CCDC136: variants seen among roughly 807,000 people sequenced by gnomAD.
The protein encoded by CCDC136 is coiled-coil domain containing 136.
Under a neutral mutation model 141.2 loss-of-function variants are expected in CCDC136, and 100 were observed. That is an observed-to-expected ratio of 0.71 (90% CI 0.60 to 0.84). CCDC136 has a LOEUF of 0.84. CCDC136 is among the 40% of genes least tolerant of loss of function. The probability of loss-of-function intolerance (pLI) is 0.00; values close to 1 mark genes in which losing one functional copy is unlikely to be tolerated. For missense variants in CCDC136, 1,206 were observed against 1,379.4 expected (o/e 0.87, Z 1.99); for synonymous variants, 474 against 531.9 (o/e 0.89, Z 1.50).
chr7:128,796,038 C>G (rs1802893740), intron 3 of CCDC136, among the ~76,000 whole-genome samples: 1 of 152,094 alleles, frequency 6.6e-6, no homozygotes, highest in Non-Finnish European at 1.5e-5. Flanking sequence ...TGCAATGGCA[C>G]AATCTCAGCT....
At position 128,811,837 on chromosome 7, in the gene CCDC136, A is replaced by T. The variant is rs777797007; in HGVS notation, c.2066A>T (p.Gln689Leu). ...KLLMEQMQAL[Q>L]VMYDAGQAKQ... The stretch of plus-strand genomic sequence containing the variant: ...CTCATGGAGCAGATGCAGGCCCTGC[A>T]GGTGATGTATGACGCCGGTCAGGCG... Residue 689 changes from glutamine (Q) to leucine (L), a missense_variant, in exon 13 of 18, where the codon CAG becomes CTG. Transcript: ENST00000297788. 1 of 1,604,106 alleles carries T rather than the reference A, an allele frequency of 6.2e-7. No homozygotes were observed. The highest frequency in any genetic ancestry group is 1.1e-5 in the South Asian group (1 of 89,518).
rs1427988793 is a variant in CCDC136, at chr7:128,811,878, C to T, written c.2107C>T (p.Gln703Ter). 3 of 1,613,148 alleles carry T rather than the reference C, an allele frequency of 1.9e-6. No individual in the cohort carries two copies. Among genetic ancestry groups the T allele is most frequent in the Non-Finnish European group, 2.5e-6 (3 of 1,179,556 alleles). ...DAGQAKQELL[Q>*]QEQGRLLEER... Reference sequence around the variant, plus strand: ...CGGTCAGGCGAAGCAGGAGCTCTTGCAGCAAGAGCAAGGGAGGCTCCTAGA... The same window carrying T: ...CGGTCAGGCGAAGCAGGAGCTCTTGTAGCAAGAGCAAGGGAGGCTCCTAGA... The change falls in exon 13 of 18, where the codon CAG becomes TAG. Residue 703 changes from glutamine to a stop codon, truncating the protein, a stop_gained. Coordinates refer to ENST00000297788, the MANE Select transcript of CCDC136 (RefSeq NM_022742.5). LOFTEE classifies it high-confidence loss of function.
chr7:128,803,396 C>T (rs1052065714), intron 4 of CCDC136, among the ~76,000 whole-genome samples: 2 of 152,178 alleles, frequency 1.3e-5, no homozygotes, highest in African/African-American at 2.4e-5. Context: ...CATGCCTGTA[C>T]TCCCACCACT....
chr7:128,810,370 A>G lies in CCDC136; in HGVS notation c.2028+4A>G, dbSNP rs1805527461. ...CTCCAAATGTAATCGAAACAAGGTA[A>G]CCATAGCAAGAGGTAGGGAGACAGT... is the stretch of plus-strand genomic sequence containing the variant. On this transcript the variant is annotated splice_donor_region_variant and intron_variant, in intron 12 of 17. Transcript: ENST00000297788. 3 of 1,602,272 alleles carry G rather than the reference A, an allele frequency of 1.9e-6. No individual in the cohort carries two copies. Among genetic ancestry groups the G allele is most frequent in the Non-Finnish European group, 1.7e-6 (2 of 1,170,334 alleles).
At chr7:128,816,031 A>C (rs571306183) in intron 16 of CCDC136, 100 bp downstream of exon 16, 1 of 1,202,274 alleles carries the variant, frequency 8.3e-7, no homozygotes, top group Non-Finnish European at 1.2e-6. Flanking sequence ...TATCTCCAGG[A>C]GTGGAGGCCT....
At chr7:128,792,807 T>C (rs1802383228) in intron 1 of CCDC136, among the ~76,000 whole-genome samples, 1 of 152,230 alleles carries the variant, frequency 6.6e-6, no homozygotes, top group Non-Finnish European at 1.5e-5. Context: ...GGCATGTGAA[T>C]TGTCTTTCTG....
intron 4 of CCDC136, among the ~76,000 whole-genome samples, 198 bp downstream of exon 4, chr7:128,801,707 G>A (rs78460431): frequency 0.018 from 2,718 of 152,284 alleles, 39 homozygotes; most frequent in Non-Finnish European, 0.027. Context: ...AAGATGGGAG[G>A]ATCACTCGAG....
Position 128,805,641 on chromosome 7 carries a change from G to A in CCDC136, c.948+117G>A. 2 of 1,525,904 alleles carry A rather than the reference G, an allele frequency of 1.3e-6. No individual in the cohort carries two copies. The highest frequency in any genetic ancestry group is 1.8e-6 in the Non-Finnish European group (2 of 1,117,100). 94.5% of individuals were successfully genotyped at this position (1,525,904 alleles called of 1,614,324 possible). ...ACTGTGGAGGGAGATAGTACTCTGG[G>A]GTCTCACTTGCCTGATGTAAATCTT... is the stretch of plus-strand genomic sequence containing the variant. On this transcript the variant is annotated intron_variant, in intron 6 of 17. Coordinates refer to ENST00000297788, the MANE Select transcript of CCDC136 (RefSeq NM_022742.5). This position sits in a 1 kb window ranked among gnomAD's most constrained non-coding sequence, Gnocchi z 4.6.
At chr7:128,816,958 T>G (rs1409685410) in intron 16 of CCDC136, among the ~76,000 whole-genome samples, 1 of 152,218 alleles carries the variant, frequency 6.6e-6, no homozygotes, top group Non-Finnish European at 1.5e-5. Flanking sequence ...ACCTAAGATG[T>G]GGAAAGTCGG....
intron 3 of CCDC136, among the ~76,000 whole-genome samples, chr7:128,796,739 A>ATATATATATATATTTTTTTTTT: frequency 9.0e-4 from 102 of 113,310 alleles, no homozygotes; most frequent in Non-Finnish European, 1.3e-3. Flanking sequence ...ATATATATAT[A>ATATATATATATATTTTTTTTTT]TTCTTTTTTT....
rs749107758 is a variant in CCDC136 at position 128,792,272 on chromosome 7, C to T, written c.-140C>T. 58 of 1,520,988 alleles carry T rather than the reference C, an allele frequency of 3.8e-5. No individual in the cohort carries two copies. Among genetic ancestry groups the T allele is most frequent in the Non-Finnish European group, 4.5e-5 (51 of 1,130,176 alleles). The allele number at this position is 1,520,988 out of a possible 1,614,324, so 94.2% of individuals were successfully genotyped here. ...CCCTTCTTTCCTCTGCACCCCAGCC[C>T]GCAGCCAGCCCCCCACCCCCCAGCC... On this transcript the variant is annotated 5_prime_UTR_variant, in exon 1 of 18. Transcript: ENST00000297788.
At chr7:128,806,023 G>A (rs2128910279) in intron 7 of CCDC136, 122 bp downstream of exon 7, 4 of 1,223,108 alleles carry the variant, frequency 3.3e-6, no homozygotes, top group Non-Finnish European at 4.6e-6. Context: ...CTGCAACTGG[G>A]CACAGTCTGC....
At chr7:128,807,241 G>A (rs990591914) in intron 9 of CCDC136, 119 bp from the exon 10 acceptor site, 1 of 654,374 alleles carries the variant, frequency 1.5e-6, no homozygotes, top group African/African-American at 1.9e-5. Flanking sequence ...CCCTGGCTGG[G>A]ATGAAATTGG....
At position 128,812,769 on chromosome 7, in the gene CCDC136, A is replaced by C. The variant is rs765362103; in HGVS notation, c.2603A>C (p.Gln868Pro). 1.1e-5 allele frequency: 17 copies of C among 1,613,498 alleles called. No individual in the cohort carries two copies. Among genetic ancestry groups the C allele is most frequent in the Non-Finnish European group, 1.4e-5 (17 of 1,179,846 alleles). Residue 868 changes from glutamine (Q) to proline (P), a missense_variant, in exon 14 of 18, where the codon CAG becomes CCG. Physicochemically the swap from Gln to Pro is moderately conservative, Grantham distance 76 (BLOSUM62 -1). Coordinates refer to ENST00000297788, the MANE Select transcript of CCDC136 (RefSeq NM_022742.5). ...CTGCAGGCGGTGCAGGCCATGTACC[A>C]GATAAGCCAGGAGGAACACAGCCAG... ...IKLQAVQAMY[Q>P]ISQEEHSQLQ...
Position 128,806,795 on chromosome 7 carries a change from C to A in CCDC136, c.1356C>A (p.Cys452Ter), listed in dbSNP as rs769090727. 1 of 1,612,636 alleles carries A rather than the reference C, an allele frequency of 6.2e-7. No individual in the cohort carries two copies. Among genetic ancestry groups the A allele is most frequent in the Non-Finnish European group, 8.5e-7 (1 of 1,179,490 alleles). The part of the protein sequence containing the change: ...RQQQLQEELQ[C>*]HEAELQHLRD... ...AGCAGCTGCAGGAGGAGCTGCAGTG[C>A]CATGAGGCAGAGCTGCAGCACCTCA... The change falls in exon 9 of 18, where the codon TGC becomes TGA. Residue 452 changes from cysteine (C) to a stop codon, truncating the protein, a stop_gained. Coordinates refer to ENST00000297788, the MANE Select transcript of CCDC136 (RefSeq NM_022742.5). LOFTEE classifies it high-confidence loss of function.
rs369999789 is a variant in CCDC136, at chr7:128,792,398, T to C, written c.-14T>C. On this transcript the variant is annotated 5_prime_UTR_variant, in exon 1 of 18. Coordinates refer to ENST00000297788, the MANE Select transcript of CCDC136 (RefSeq NM_022742.5). ...AAGAAGGGCCAACGCTGGGGGTCCC[T>C]GGAACGACGGGGGATGCAAGCTATG... 173 of 1,605,640 alleles carry C rather than the reference T, an allele frequency of 1.1e-4. No individual in the cohort carries two copies. The highest frequency in any genetic ancestry group is 1.4e-4 in the Non-Finnish European group (166 of 1,175,284).
intron 4 of CCDC136, among the ~76,000 whole-genome samples, chr7:128,803,791 A>G (rs894200757): frequency 1.3e-5 from 2 of 151,958 alleles, no homozygotes; most frequent in African/African-American, 4.8e-5. Context: ...CTGTCAGCAG[A>G]TAAAAGGCCA....
rs1200613404 is a variant in CCDC136, at chr7:128,817,240, T to C, written c.3364-518T>C. Reference sequence around the variant, plus strand: ...TGGAAGATTGTTGCAGTGAAAGAACTAGCCCTTCTCCATTGTCAGTTTGTT... The same window carrying C: ...TGGAAGATTGTTGCAGTGAAAGAACCAGCCCTTCTCCATTGTCAGTTTGTT... On this transcript the variant is annotated intron_variant, in intron 16 of 17. Transcript: ENST00000297788. The surrounding 1 kb of genome is among the most constrained non-coding windows in gnomAD (Gnocchi z 4.6). 6.6e-6 allele frequency among the ~76,000 whole-genome samples: 1 copy of C among 152,232 alleles called. No individual in the cohort carries two copies. The highest frequency in any genetic ancestry group is 6.5e-5 in the Admixed American group (1 of 15,274).
rs1488418978 is a variant in CCDC136 at position 128,815,842 on chromosome 7, G to T, written c.3274G>T (p.Glu1092Ter). The change falls in exon 16 of 18, where the codon GAA becomes TAA. Residue 1092 changes from glutamate to a stop codon, truncating the protein, a stop_gained. Coordinates refer to ENST00000297788, the MANE Select transcript of CCDC136 (RefSeq NM_022742.5). LOFTEE classifies it high-confidence loss of function. ...EEDKEEEEKEEDSEEEEDDAD... is the reference protein window; with the variant it reads ...EEDKEEEEKE The stretch of plus-strand genomic sequence containing the variant: ...GGACAAAGAGGAAGAGGAGAAGGAA[G>T]AAGACAGTGAAGAGGAGGAGGATGA... The T allele has an allele frequency of 6.2e-7, 1 of 1,612,136 alleles. No homozygotes were observed.
Sources: allele counts gnomAD v4.1 joint callset (sites outside exome capture counted in the v4.1 genomes callset), GRCh38; gene constraint gnomAD v4.1.1; non-coding constraint Gnocchi (gnomAD v3.1); transcripts MANE v1.5; gene names NCBI Gene and HGNC (gene_info 2026-07-23, HGNC 2026-07-21).